The following CD6 variants were observed in gnomAD, a reference collection of about 807,000 sequenced individuals.
The protein encoded by CD6 is T-cell differentiation antigen CD6.
CD6 carries 53 observed loss-of-function variants against 75.3 expected under a neutral mutation model. That is an observed-to-expected ratio of 0.70 (90% CI 0.56 to 0.88). CD6 has a LOEUF of 0.88. CD6 is among the 40% of genes least tolerant of loss of function. The pLI is 0.00. For synonymous variants in CD6, 359 were observed against 381.5 expected (o/e 0.94, Z 0.69); for missense variants, 770 against 897.1 (o/e 0.86, Z 1.81).
chr11:60,988,167 C>G (rs537876260), intron 1 of CD6: 6 of 152,328 alleles, frequency 3.9e-5, no homozygotes, highest in African/African-American at 1.2e-4. Flanking sequence ...TGCTGCGGAG[C>G]CTCAGTTTTC....
chr11:61,004,169 C>T (rs1175447251), intron 1 of CD6, among the ~76,000 whole-genome samples: 1 of 152,072 alleles, frequency 6.6e-6, no homozygotes, highest in Non-Finnish European at 1.5e-5. Context: ...CCCCCCTGCC[C>T]CACACACATC....
chr11:60,995,582 G>C (rs975848995), intron 1 of CD6, among the ~76,000 whole-genome samples: 21 of 152,170 alleles, frequency 1.4e-4, no homozygotes, highest in African/African-American at 4.6e-4. Flanking sequence ...CTCACTCAGA[G>C]CTTCCTCCCC....
chr11:60,985,872 C>G (rs770805920), intron 1 of CD6, among the ~76,000 whole-genome samples: 4 of 152,176 alleles, frequency 2.6e-5, no homozygotes, highest in African/African-American at 9.7e-5. Flanking sequence ...TTAATGCAGT[C>G]GGACAGAAAA....
chr11:60,994,921 G>A (rs1427902260), intron 1 of CD6, among the ~76,000 whole-genome samples: 1 of 152,188 alleles, frequency 6.6e-6, no homozygotes. Context: ...GTGGGTATAA[G>A]CTGGTCTAGT....
chr11:61,017,598 A>T, intron 10 of CD6, 48 bp downstream of exon 10: 1 of 1,563,118 alleles, frequency 6.4e-7, no homozygotes. Flanking sequence ...ACCTCCAGAG[A>T]GTAGCTCAGC....
intron 1 of CD6, among the ~76,000 whole-genome samples, chr11:60,993,728 A>G (rs1267147801): frequency 6.6e-6 from 1 of 152,136 alleles, no homozygotes; most frequent in Non-Finnish European, 1.5e-5. Context: ...GCTGTTTCCC[A>G]GATGAATTGG....
chr11:60,999,948 T>G (rs12790976), intron 1 of CD6, among the ~76,000 whole-genome samples: 24,450 of 151,814 alleles, frequency 0.16, 2,731 homozygotes, highest in Middle Eastern at 0.3. Flanking sequence ...AGCTACTCAG[T>G]AGCTGCGGCA....
chr11:61,018,052 G>A, intron 11 of CD6, 39 bp downstream of exon 11: 1 of 1,599,554 alleles, frequency 6.3e-7, no homozygotes. Flanking sequence ...CCCATAGCCA[G>A]CCTGGCTGGA....
At chr11:61,016,975 A>C (rs1859431504) in intron 9 of CD6, 2 of 160,028 alleles carry the variant, frequency 1.2e-5, no homozygotes, top group African/African-American at 4.8e-5. Flanking sequence ...TTGAAATTAA[A>C]AGTCAGTGGT....
At chr11:61,006,133 T>A (rs1858845506) in intron 1 of CD6, among the ~76,000 whole-genome samples, 1 of 152,236 alleles carries the variant, frequency 6.6e-6, no homozygotes, top group South Asian at 2.1e-4. Flanking sequence ...TTTCTTTTTC[T>A]AAATCACTCC....
Position 61,009,878 on chromosome 11 carries a change from C to T in CD6, c.1084+4C>T. ...GCAGCCAGGGTCCTCTGCTCAGGTA[C>T]CCCATCCTACTCCACCCCCCCAGAT... On this transcript the variant is annotated splice_donor_region_variant and intron_variant, in intron 5 of 12. Transcript: ENST00000313421. The T allele has an allele frequency of 6.5e-7, 1 of 1,536,518 alleles. No individual in the cohort carries two copies. Among genetic ancestry groups the T allele is most frequent in the Non-Finnish European group, 8.8e-7 (1 of 1,142,318 alleles).
intron 1 of CD6, among the ~76,000 whole-genome samples, chr11:60,992,086 C>T (rs1294852719): frequency 6.6e-6 from 1 of 152,142 alleles, no homozygotes; most frequent in Non-Finnish European, 1.5e-5. Context: ...TGCCTTGTTG[C>T]TTAAGCTGGT....
intron 1 of CD6, among the ~76,000 whole-genome samples, chr11:60,994,291 A>G (rs568782044): frequency 1.5e-4 from 23 of 151,918 alleles, no homozygotes; most frequent in African/African-American, 5.1e-4. Context: ...AATACAAAAA[A>G]TTAGCCAGGC....
intron 1 of CD6, among the ~76,000 whole-genome samples, chr11:61,003,567 T>G (rs1263396678): frequency 4.6e-5 from 7 of 152,022 alleles, no homozygotes; most frequent in Non-Finnish European, 1.0e-4. Flanking sequence ...ACCCCGTCTC[T>G]ACAAAAAATA....
Sources: gnomAD v4.1 joint callset for allele counts (sites outside exome capture counted in the v4.1 genomes callset) on GRCh38, gnomAD v4.1.1 for gene constraint, MANE v1.5 for transcripts, NCBI Gene and HGNC (gene_info 2026-07-23, HGNC 2026-07-21) for gene names.